The following CDC20B variants were observed in gnomAD, a reference collection of about 807,000 sequenced individuals.
The protein encoded by CDC20B is cell division cycle protein 20 homolog B.
Under a neutral mutation model 64.1 loss-of-function variants are expected in CDC20B, and 58 were observed. That is an observed-to-expected ratio of 0.90 (90% CI 0.73 to 1.13). The LOEUF is 1.13. Among genes scored for constraint, CDC20B ranks in the 50% most tolerant of loss-of-function variants. CDC20B has a pLI of 0.00. For missense variants in CDC20B, 597 were observed against 633.0 expected (o/e 0.94, Z 0.61); for synonymous variants, 243 against 230.6 (o/e 1.05, Z -0.49).
intron 2 of CDC20B, chr5:55,161,324 A>ACT: frequency 7.2e-7 from 1 of 1,383,090 alleles, no homozygotes. Context: ...CCAGGACAAT[A>ACT]CTTTCCTATT....
chr5:55,128,952 T>C (rs894562172), intron 6 of CDC20B, among the ~76,000 whole-genome samples: 1 of 152,170 alleles, frequency 6.6e-6, no homozygotes, highest in African/African-American at 2.4e-5. Context: ...AGCATATAAT[T>C]CTTATGGAGA....
intron 2 of CDC20B, among the ~76,000 whole-genome samples, chr5:55,158,675 A>T (rs562046708): frequency 6.6e-5 from 10 of 152,212 alleles, no homozygotes; most frequent in Non-Finnish European, 1.5e-4. Context: ...CTGGAAACAC[A>T]TCATGATCAA....
At chr5:55,147,709 A>G (rs114104603) in intron 2 of CDC20B, among the ~76,000 whole-genome samples, 1,842 of 152,094 alleles carry the variant, frequency 0.012, 39 homozygotes, top group African/African-American at 0.042. Flanking sequence ...AGGTATACCA[A>G]TGTAGTTTAG....
chr5:55,138,950 C>A, intron 5 of CDC20B, among the ~76,000 whole-genome samples: 1 of 144,360 alleles, frequency 6.9e-6, no homozygotes, highest in African/African-American at 2.5e-5. Context: ...AAATAAATGA[C>A]AATAAAAAAA....
At chr5:55,132,159 C>G (rs3111197) in intron 6 of CDC20B, among the ~76,000 whole-genome samples, 148,154 of 152,348 alleles carry the variant, frequency 0.97, 72,073 homozygotes, top group East Asian at 1. Context: ...TTTTGAAAAT[C>G]CATCCTTCTT....
At chr5:55,115,240 G>T (rs1387827758) in intron 11 of CDC20B, among the ~76,000 whole-genome samples, 1 of 152,124 alleles carries the variant, frequency 6.6e-6, no homozygotes, top group East Asian at 1.9e-4. Flanking sequence ...ACATTCTATG[G>T]CACAGTAGTC....
rs1419891110 is a variant in CDC20B, at chr5:55,169,553, C to T, written c.126+3035G>A. ...CATATTGTATGGTCAGTTCTTCCCA[C>T]TTCACAAGTTGTTAGATCTCATGCT... is the stretch of plus-strand genomic sequence containing the variant. On this transcript the variant is annotated intron_variant, in intron 2 of 11. Coordinates refer to ENST00000381375, the MANE Select transcript of CDC20B (RefSeq NM_001170402.1). 2.6e-5 allele frequency among the ~76,000 whole-genome samples: 4 copies of T among 152,190 alleles called. No individual in the cohort carries two copies. The South Asian group carries it at 8.3e-4, about 31-fold the overall frequency.
chr5:55,159,359 T>C (rs546132615), intron 2 of CDC20B, among the ~76,000 whole-genome samples: 1 of 152,302 alleles, frequency 6.6e-6, no homozygotes, highest in South Asian at 2.1e-4. Context: ...CGGTGAATGA[T>C]GAAATCATTT....
rs1216800205 is a variant in CDC20B at position 55,133,054 on chromosome 5, C to CAA, written c.697+357_697+358insTT. ...CAGTTCCGTGTCAGTTAGTCCTGTC[C>CAA]TCCAAACTAGATTACAAGCTGGGCA... On this transcript the variant is annotated intron_variant, in intron 6 of 11. Coordinates refer to ENST00000381375, the MANE Select transcript of CDC20B (RefSeq NM_001170402.1). 2.2e-3 allele frequency among the ~76,000 whole-genome samples: 331 copies of CAA among 152,272 alleles called. 2 individuals are homozygous for CAA. Among genetic ancestry groups the CAA allele is most frequent in the African/African-American group, 7.5e-3 (313 of 41,552 alleles).
intron 5 of CDC20B, chr5:55,136,512 T>G (rs980701072): frequency 6.8e-6 from 1 of 146,334 alleles, no homozygotes; most frequent in Non-Finnish European, 1.5e-5. Flanking sequence ...TGAGCCAAGA[T>G]CACACTACTG....
intron 6 of CDC20B, among the ~76,000 whole-genome samples, chr5:55,131,804 C>G (rs1277888488): frequency 6.6e-6 from 1 of 152,132 alleles, no homozygotes; most frequent in Non-Finnish European, 1.5e-5. Context: ...GTGGCTTATG[C>G]CTGTAATCCC....
At chr5:55,163,631 C>T (rs569302450) in intron 2 of CDC20B, among the ~76,000 whole-genome samples, 129 of 151,742 alleles carry the variant, frequency 8.5e-4, no homozygotes, top group Non-Finnish European at 1.3e-3. Context: ...CTCAGCCTCC[C>T]GAGTAGCTGG....
intron 6 of CDC20B, 64 bp downstream of exon 6, chr5:55,133,348 T>C (rs1275694097): frequency 6.6e-6 from 5 of 755,300 alleles, no homozygotes; most frequent in Non-Finnish European, 1.1e-5. Context: ...TTCAAGTTTA[T>C]ACCAGAGCAC....
At chr5:55,124,429 G>A (rs1376716514) in intron 9 of CDC20B, among the ~76,000 whole-genome samples, 1 of 152,162 alleles carries the variant, frequency 6.6e-6, no homozygotes, top group African/African-American at 2.4e-5. Context: ...TCTGAAGGAA[G>A]AATGAAACCA....
intron 9 of CDC20B, among the ~76,000 whole-genome samples, chr5:55,121,880 G>A (rs1205900104): frequency 6.6e-6 from 1 of 152,084 alleles, no homozygotes; most frequent in Non-Finnish European, 1.5e-5. Flanking sequence ...TGCCATCTAA[G>A]CACCTACATC....
At chr5:55,161,713 G>C (rs1744076055) in intron 2 of CDC20B, among the ~76,000 whole-genome samples, 1 of 152,184 alleles carries the variant, frequency 6.6e-6, no homozygotes, top group African/African-American at 2.4e-5. Context: ...AGATGAATAT[G>C]TCAGCTTACC....
rs183828429 is a variant in CDC20B at position 55,163,176 on chromosome 5, G to C, written c.126+9412C>G. Among the ~76,000 whole-genome samples, 5 of 151,898 alleles carry C rather than the reference G, an allele frequency of 3.3e-5. No homozygotes were observed. In the East Asian group the frequency reaches 9.7e-4, roughly 29 times the overall value. ...ATAAAATGAACATAAATCTTGAGTG[G>C]TATAAATAGAAAAAAAATCTACATT... On this transcript the variant is annotated intron_variant, in intron 2 of 11. Coordinates refer to ENST00000381375, the MANE Select transcript of CDC20B (RefSeq NM_001170402.1).
Position 55,173,046 on chromosome 5 carries a change from C to T in CDC20B, c.-46G>A, listed in dbSNP as rs768098392. 1 of 1,552,926 alleles carries T rather than the reference C, an allele frequency of 6.4e-7. No homozygotes were observed. Among genetic ancestry groups the T allele is most frequent in the Non-Finnish European group, 8.8e-7 (1 of 1,136,154 alleles). ...CCTGGCGTTTGGCCTCTCTGCTCGACTGCCTCTGGTTTTCTTCCCAGGTCT... is the reference window on the plus strand; with the variant it reads ...CCTGGCGTTTGGCCTCTCTGCTCGATTGCCTCTGGTTTTCTTCCCAGGTCT... On this transcript the variant is annotated 5_prime_UTR_variant, in exon 1 of 12. Coordinates refer to ENST00000381375, the MANE Select transcript of CDC20B (RefSeq NM_001170402.1).
chr5:55,153,241 A>T (rs940924546), intron 2 of CDC20B, among the ~76,000 whole-genome samples: 7 of 4,298 alleles, frequency 1.6e-3, no homozygotes, highest in African/African-American at 2.7e-3. Flanking sequence ...CTTGTCTCAT[A>T]AAAAAAAAAA....
Sources: gnomAD v4.1 joint callset for allele counts (sites outside exome capture counted in the v4.1 genomes callset) on GRCh38, gnomAD v4.1.1 for gene constraint, MANE v1.5 for transcripts, NCBI Gene and HGNC (gene_info 2026-07-23, HGNC 2026-07-21) for gene names.